Variants in HAPSTR1 observed in about 807,000 individuals in gnomAD.
HAPSTR1 encodes HUWE1 associated protein modifying stress responses, also known as HUWE1-associated protein modifying stress responses 1.
the HAPSTR1 span, chr16:9,104,601 T>C: frequency 1.3e-5 from 2 of 152,234 alleles, no homozygotes; most frequent in Non-Finnish European, 2.9e-5. Context: ...TGTTGTTTTT[T>C]CCCTTGATAG....
the HAPSTR1 span, chr16:9,108,881 C>T: frequency 6.6e-6 from 1 of 152,160 alleles, no homozygotes; most frequent in Non-Finnish European, 1.5e-5. Flanking sequence ...ACCTACCCTA[C>T]CATGACACTG....
chr16:9,092,596 A>C, the HAPSTR1 span, among the ~76,000 whole-genome samples: 1 of 151,978 alleles, frequency 6.6e-6, no homozygotes, highest in Non-Finnish European at 1.5e-5. Context: ...AAAATGGCGA[A>C]GGGAGACGGC....
At chr16:9,094,705 T>G in the HAPSTR1 span, among the ~76,000 whole-genome samples, 1 of 152,242 alleles carries the variant, frequency 6.6e-6, no homozygotes, top group Non-Finnish European at 1.5e-5. Flanking sequence ...TTTGATTGGC[T>G]AGTATTACTC....
chr16:9,092,937 G>C, the HAPSTR1 span: 1 of 1,605,138 alleles, frequency 6.2e-7, no homozygotes, highest in Admixed American at 1.7e-5. Context: ...TGTGTCAGCA[G>C]CCAGGACTTT....
the HAPSTR1 span, chr16:9,092,066 G>A: frequency 4.6e-6 from 7 of 1,533,032 alleles, no homozygotes; most frequent in South Asian, 2.4e-5. Context: ...GAAGGAGGAG[G>A]GCGAGGCCGA....
the HAPSTR1 span, among the ~76,000 whole-genome samples, chr16:9,097,790 T>C: frequency 3.3e-5 from 5 of 152,226 alleles, no homozygotes; most frequent in African/African-American, 1.2e-4. Context: ...TCAGTAAAGC[T>C]TAGAAGAGCC....
chr16:9,092,181 C>T, the HAPSTR1 span: 3 of 1,576,242 alleles, frequency 1.9e-6, no homozygotes, highest in South Asian at 1.2e-5. Context: ...CAGGAGGAGG[C>T]GGCGGCCGCC....
the HAPSTR1 span, among the ~76,000 whole-genome samples, chr16:9,099,717 C>T: frequency 6.6e-6 from 1 of 152,096 alleles, no homozygotes; most frequent in African/African-American, 2.4e-5. Flanking sequence ...GGGGTGTGCT[C>T]AGAGCAGTGT....
the HAPSTR1 span, chr16:9,117,140 G>A: frequency 1.7e-6 from 1 of 577,732 alleles, no homozygotes; most frequent in Admixed American, 3.4e-5. Flanking sequence ...CAGATATTGT[G>A]TAGTCGTTAG....
chr16:9,121,071 A>G, the HAPSTR1 span: 2 of 152,054 alleles, frequency 1.3e-5, no homozygotes, highest in African/African-American at 2.4e-5. Context: ...GGTTCAAGCG[A>G]TTCTCCTGCC....
chr16:9,096,374 GGTGT>G, the HAPSTR1 span, among the ~76,000 whole-genome samples: 1 of 150,002 alleles, frequency 6.7e-6, no homozygotes, highest in Non-Finnish European at 1.5e-5. Context: ...AATAAACTCT[GGTGT>G]GTATTTCCTT....
the HAPSTR1 span, chr16:9,116,529 C>A: frequency 8.9e-7 from 1 of 1,120,140 alleles, no homozygotes; most frequent in Non-Finnish European, 1.3e-6. Context: ...CAGAATAAAA[C>A]TTAATTGCTT....
chr16:9,099,028 A>C, the HAPSTR1 span, among the ~76,000 whole-genome samples: 1 of 152,108 alleles, frequency 6.6e-6, no homozygotes, highest in Non-Finnish European at 1.5e-5. Context: ...TGGTCTTCAG[A>C]ATCAATATAA....
chr16:9,095,960 T>C, the HAPSTR1 span, among the ~76,000 whole-genome samples: 1 of 108,630 alleles, frequency 9.2e-6, no homozygotes, highest in African/African-American at 3.0e-5. Context: ...GATCAGTATA[T>C]TTTTTGATTC....
chr16:9,092,038 G>A, the HAPSTR1 span: 2 of 1,503,396 alleles, frequency 1.3e-6, no homozygotes, highest in South Asian at 1.2e-5. Context: ...GCGGGAGGCC[G>A]CGGAGGATGG....
chr16:9,107,393 A>T, the HAPSTR1 span: 10 of 152,216 alleles, frequency 6.6e-5, no homozygotes, highest in Non-Finnish European at 1.5e-4. Flanking sequence ...GCAGAAAGGG[A>T]TGTTTCACAG....
At chr16:9,092,796 C>T in the HAPSTR1 span, 2 of 1,042,402 alleles carry the variant, frequency 1.9e-6, no homozygotes, top group Admixed American at 5.2e-5. Context: ...AACAAAATGG[C>T]GAAACCTAAT....
At chr16:9,103,401 G>A in the HAPSTR1 span, 3 of 900,968 alleles carry the variant, frequency 3.3e-6, no homozygotes, top group Non-Finnish European at 4.8e-6. Context: ...TTAATAGAAT[G>A]TAAGCTAAGA....
At chr16:9,099,033 A>G in the HAPSTR1 span, among the ~76,000 whole-genome samples, 2 of 152,158 alleles carry the variant, frequency 1.3e-5, no homozygotes, top group Admixed American at 1.3e-4. Flanking sequence ...TTCAGAATCA[A>G]TATAATTCTT....
Sources: allele counts gnomAD v4.1 joint callset (sites outside exome capture counted in the v4.1 genomes callset), GRCh38; gene constraint gnomAD v4.1.1; transcripts MANE v1.5; gene names NCBI Gene and HGNC (gene_info 2026-07-23, HGNC 2026-07-21).